The following CDKAL1 variants were observed in gnomAD, a reference collection of about 807,000 sequenced individuals.
The protein encoded by CDKAL1 is CDKAL1 threonylcarbamoyladenosine tRNA methylthiotransferase.
In CDKAL1, 32 loss-of-function variants were observed where a neutral mutation model predicts 68.2. The observed-to-expected ratio is 0.47, with a 90% CI of 0.35 to 0.63. The LOEUF (loss-of-function observed/expected upper bound fraction) is 0.63. Ranked by LOEUF, CDKAL1 falls within the 30% of genes least tolerant of loss-of-function variation. CDKAL1 has a pLI of 0.00. For missense variants in CDKAL1, 606 were observed against 696.7 expected, an observed-to-expected ratio of 0.87 and a Z score of 1.47; for synonymous variants, 234 against 244.3, an observed-to-expected ratio of 0.96 and a Z score of 0.39.
At chr6:21,022,521 T>C (rs1488783292) in intron 11 of CDKAL1, among the ~76,000 whole-genome samples, 2 of 152,178 alleles carry the variant, frequency 1.3e-5, no homozygotes, top group African/African-American at 4.8e-5. Flanking sequence ...TCAAGAGAGC[T>C]TGACTCATGC....
intron 4 of CDKAL1, among the ~76,000 whole-genome samples, chr6:20,557,053 ATAAATAAATAAATAAAT>A (rs1764079920): frequency 1.2e-5 from 1 of 81,234 alleles, no homozygotes; most frequent in Non-Finnish European, 2.7e-5. Context: ...AAAAAAAAAA[ATAAATAAATAAATAAAT>A]AAATAAATAA....
At chr6:21,203,403 AT>A (rs1225634328) in intron 15 of CDKAL1, among the ~76,000 whole-genome samples, 1 of 150,842 alleles carries the variant, frequency 6.6e-6, no homozygotes, top group Non-Finnish European at 1.5e-5. Context: ...CGCCCGGCTA[AT>A]TTTTTATTTT....
Position 20,557,065 on chromosome 6 carries a change from AT to A in CDKAL1, c.286+8361del, listed in dbSNP as rs1764083020. 8.7e-5 allele frequency among the ~76,000 whole-genome samples: 13 copies of A among 149,134 alleles called. No individual in the cohort carries two copies. In the South Asian group the frequency reaches 1.3e-3, roughly 15 times the overall value. On this transcript the variant is annotated intron_variant, in intron 4 of 15. Coordinates refer to ENST00000274695, the MANE Select transcript of CDKAL1 (RefSeq NM_017774.3). ...TCAAAAAAAAAAAATAAATAAATAA[AT>A]AAATAAATAAATAAATAAATGAAAA... is the stretch of plus-strand genomic sequence containing the variant.
Position 20,780,043 on chromosome 6 carries a change from G to A in CDKAL1, c.518-1102G>A, listed in dbSNP as rs906701107. 3.5e-5 allele frequency among the ~76,000 whole-genome samples: 5 copies of A among 143,710 alleles called. No homozygotes were observed. The Admixed American group carries it at 3.5e-4, about 10-fold the overall frequency. 94.3% of individuals were successfully genotyped at this position (143,710 alleles called of 152,430 possible). A position where few individuals can be genotyped will look rare whatever the true frequency, so the allele number is the denominator to read the frequency against. ...ACAGGAGGACTGCTTGAGCCCAGGA[G>A]TTTGAAATCAGCCTAGGCAATATAG... is the stretch of plus-strand genomic sequence containing the variant. On this transcript the variant is annotated intron_variant, in intron 7 of 15. Transcript: ENST00000274695.
chr6:20,710,011 A>G (rs1771776778), intron 5 of CDKAL1, among the ~76,000 whole-genome samples: 1 of 152,202 alleles, frequency 6.6e-6, no homozygotes, highest in Non-Finnish European at 1.5e-5. Flanking sequence ...ATCAACTACA[A>G]CACTTGCAGA....
chr6:20,795,061 G>A (rs891816722), intron 8 of CDKAL1, among the ~76,000 whole-genome samples: 54 of 152,146 alleles, frequency 3.5e-4, no homozygotes, highest in Middle Eastern at 3.4e-3. Flanking sequence ...AGCACCTTTG[G>A]AAAAATTCTG....
chr6:20,628,975 G>C (rs1322407462), intron 4 of CDKAL1, among the ~76,000 whole-genome samples: 1 of 151,848 alleles, frequency 6.6e-6, no homozygotes, highest in Non-Finnish European at 1.5e-5. Flanking sequence ...ACGCAACTAC[G>C]ACAAAGCCAT....
intron 13 of CDKAL1, among the ~76,000 whole-genome samples, chr6:21,145,442 C>A (rs1408995677): frequency 2.0e-5 from 3 of 152,152 alleles, no homozygotes; most frequent in Non-Finnish European, 4.4e-5. Context: ...AACTAGAATT[C>A]TCTAGTAACC....
chr6:21,198,795 G>A (rs565759694), intron 14 of CDKAL1, among the ~76,000 whole-genome samples: 78 of 152,292 alleles, frequency 5.1e-4, no homozygotes, highest in African/African-American at 1.8e-3. Flanking sequence ...TTTGCCCACC[G>A]AGGAGCCTGA....
intron 5 of CDKAL1, among the ~76,000 whole-genome samples, chr6:20,719,537 G>A (rs1772249722): frequency 6.6e-6 from 1 of 152,200 alleles, no homozygotes; most frequent in South Asian, 2.1e-4. Context: ...AGACTTTAGA[G>A]ACAGCTACCA....
At chr6:21,032,818 T>A (rs1769370196) in intron 11 of CDKAL1, among the ~76,000 whole-genome samples, 1 of 152,178 alleles carries the variant, frequency 6.6e-6, no homozygotes, top group Admixed American at 6.5e-5. Flanking sequence ...AACAGCAAAA[T>A]CACCTAATGA....
At chr6:21,032,546 T>C (rs1216787548) in intron 11 of CDKAL1, among the ~76,000 whole-genome samples, 2 of 152,220 alleles carry the variant, frequency 1.3e-5, no homozygotes, top group Non-Finnish European at 2.9e-5. Flanking sequence ...TATAAAGTAA[T>C]GTGCTACATA....
rs138946188 is a variant in CDKAL1, at chr6:20,723,284, C to T, written c.372-16235C>T. Among the ~76,000 whole-genome samples the T allele has an allele frequency of 4.6e-4, 70 of 152,284 alleles. 1 individual carries two copies. In the East Asian group the frequency reaches 7.2e-3, roughly 16 times the overall value. On this transcript the variant is annotated intron_variant, in intron 5 of 15. Coordinates refer to ENST00000274695, the MANE Select transcript of CDKAL1 (RefSeq NM_017774.3). The stretch of plus-strand genomic sequence containing the variant: ...CTGAGCTGCTAACACACGCTGTCTG[C>T]GGATGGCAGAACTAAAGAAGCACTG...
intron 15 of CDKAL1, among the ~76,000 whole-genome samples, chr6:21,207,797 A>G (rs1778997059): frequency 6.6e-6 from 1 of 152,212 alleles, no homozygotes; most frequent in Non-Finnish European, 1.5e-5. Flanking sequence ...ATGCCAAGGC[A>G]TTATTTTACT....
intron 7 of CDKAL1, among the ~76,000 whole-genome samples, chr6:20,770,989 TCATCTCTGA>T (rs1774916553): frequency 6.6e-6 from 1 of 152,164 alleles, no homozygotes; most frequent in Non-Finnish European, 1.5e-5. Context: ...ATCTGCCAGA[TCATCTCTGA>T]CACATCCTTC....
chr6:20,801,695 AT>A (rs1776370622), intron 8 of CDKAL1, among the ~76,000 whole-genome samples: 1 of 152,124 alleles, frequency 6.6e-6, no homozygotes, highest in South Asian at 2.1e-4. Context: ...TCCCATCTCT[AT>A]TTTTTAAAAA....
chr6:20,688,638 C>T (rs1770737959), intron 5 of CDKAL1, among the ~76,000 whole-genome samples: 1 of 151,904 alleles, frequency 6.6e-6, no homozygotes, highest in Admixed American at 6.6e-5. Flanking sequence ...GTTTACATTG[C>T]CCTTCTTTTC....
At chr6:20,833,324 GTTCGCACCT>G (rs951659844) in intron 8 of CDKAL1, among the ~76,000 whole-genome samples, 2 of 152,166 alleles carry the variant, frequency 1.3e-5, no homozygotes, top group African/African-American at 4.8e-5. Flanking sequence ...ATGCACTGTA[GTTCGCACCT>G]TTTGCTCCCT....
In CDKAL1 at chr6:20,791,728, A is replaced by G. The variant is rs145471557; in HGVS notation, c.638+10463A>G. Among the ~76,000 whole-genome samples, 31 of 152,288 alleles carry G rather than the reference A, an allele frequency of 2.0e-4. No homozygotes were observed. In the East Asian group the frequency reaches 2.9e-3, roughly 14 times the overall value. ...TCCTAAGATGCATCCATTTTGTCCA[A>G]TGGAATGGAATTTGAAATTCCTATT... On this transcript the variant is annotated intron_variant, in intron 8 of 15. Transcript: ENST00000274695.
Sources: allele counts gnomAD v4.1 joint callset (sites outside exome capture counted in the v4.1 genomes callset), GRCh38; gene constraint gnomAD v4.1.1; transcripts MANE v1.5; gene names NCBI Gene and HGNC (gene_info 2026-07-23, HGNC 2026-07-21).